UNK: variants seen among roughly 807,000 people sequenced by gnomAD.
The protein encoded by UNK is RING finger protein unkempt homolog.
A neutral mutation model predicts 97.6 loss-of-function variants in UNK; 32 were observed. The ratio of observed to expected loss-of-function variants is 0.33; its 90% CI spans 0.25 to 0.44. UNK has a LOEUF of 0.44. Among genes scored for constraint, UNK ranks in the 20% least tolerant of loss-of-function variants. The pLI, the probability that UNK is intolerant of heterozygous loss-of-function variation, is 1.00. For missense variants in UNK, 771 were observed against 1,098.4 expected, an observed-to-expected ratio of 0.70 and a Z score of 4.21; for synonymous variants, 441 against 461.2, an observed-to-expected ratio of 0.96 and a Z score of 0.56.
At chr17:75,797,489 C>T (rs1247077819) in intron 1 of UNK, among the ~76,000 whole-genome samples, 1 of 152,254 alleles carries the variant, frequency 6.6e-6, no homozygotes, top group Non-Finnish European at 1.5e-5. Context: ...CCCGCCTTGG[C>T]TGTCCGAAGT....
rs1217002310 is a variant in UNK, at chr17:75,818,405, C to G, written c.1371+237C>G. ...TCTGCACTCTGCCAGGCCCTGTACT[C>G]GCTTCTCTCTTCCCTGCTACAGGAC... is the stretch of plus-strand genomic sequence containing the variant. On this transcript the variant is annotated intron_variant, in intron 10 of 15. Coordinates refer to ENST00000589666, the MANE Select transcript of UNK (RefSeq NM_001080419.3). The surrounding 1 kb of genome is among the most constrained non-coding windows in gnomAD (Gnocchi z 5.1). 6.6e-6 allele frequency among the ~76,000 whole-genome samples: 1 copy of G among 152,168 alleles called. No individual in the cohort carries two copies. Among genetic ancestry groups the G allele is most frequent in the African/African-American group, 2.4e-5 (1 of 41,442 alleles).
At chr17:75,811,904 T>C (rs775387794) in intron 2 of UNK, among the ~76,000 whole-genome samples, 6 of 152,164 alleles carry the variant, frequency 3.9e-5, no homozygotes, top group Non-Finnish European at 8.8e-5. Flanking sequence ...GGAGAATCAC[T>C]TGAACCAGGG....
rs1411625120 is a variant in UNK at position 75,824,628 on chromosome 17, T to A, written c.*211T>A. 3 of 262,706 alleles carry A rather than the reference T, an allele frequency of 1.1e-5. No homozygotes were observed. The highest frequency in any genetic ancestry group is 2.0e-5 in the Non-Finnish European group (3 of 150,478). 16.3% of individuals were successfully genotyped at this position (262,706 alleles called of 1,614,324 possible). A position where few individuals can be genotyped will look rare whatever the true frequency, so the allele number is the denominator to read the frequency against. On this transcript the variant is annotated 3_prime_UTR_variant, in exon 16 of 16. Coordinates refer to ENST00000589666, the MANE Select transcript of UNK (RefSeq NM_001080419.3). This position sits in a 1 kb window ranked among gnomAD's most constrained non-coding sequence, Gnocchi z 4.9. ...GGTGTGGACAGTGTCTGTGTGTATA[T>A]CTGTACATAGATATAGACACACACT...
rs767866973 is a variant in UNK at position 75,818,282 on chromosome 17, C to G, written c.1371+114C>G. ...CTTTTCCCAAAAGCTGAGGGCAGGA[C>G]TAAAGTGGGGTCCCAGCCACAAATC... On this transcript the variant is annotated intron_variant, in intron 10 of 15. Coordinates refer to ENST00000589666, the MANE Select transcript of UNK (RefSeq NM_001080419.3). This position sits in a 1 kb window ranked among gnomAD's most constrained non-coding sequence, Gnocchi z 5.1. 285 of 1,220,986 alleles carry G rather than the reference C, an allele frequency of 2.3e-4. No individual in the cohort carries two copies. The highest frequency in any genetic ancestry group is 3.2e-4 in the Non-Finnish European group (276 of 863,226). The allele number at this position is 1,220,986 out of a possible 1,614,324, so 75.6% of individuals were successfully genotyped here. A position where few individuals can be genotyped will look rare whatever the true frequency, so the allele number is the denominator to read the frequency against.
At chr17:75,811,796 G>C (rs1388132843) in intron 2 of UNK, among the ~76,000 whole-genome samples, 1 of 152,154 alleles carries the variant, frequency 6.6e-6, no homozygotes, top group Non-Finnish European at 1.5e-5. Context: ...AGACCATCCT[G>C]GCCAACATGG....
rs2062032949 is a variant in UNK, at chr17:75,818,071, C to T, written c.1306-32C>T. The T allele has an allele frequency of 2.5e-6, 4 of 1,611,050 alleles. No individual in the cohort carries two copies. Among genetic ancestry groups the T allele is most frequent in the Non-Finnish European group, 3.4e-6 (4 of 1,178,208 alleles). ...TGGACTCAGGGACCCCCCAGCACCA[C>T]ATTCATCCACTCCCTGAATTTTCTC... is the stretch of plus-strand genomic sequence containing the variant. On this transcript the variant is annotated intron_variant, in intron 9 of 15. Coordinates refer to ENST00000589666, the MANE Select transcript of UNK (RefSeq NM_001080419.3). The surrounding 1 kb of genome is among the most constrained non-coding windows in gnomAD (Gnocchi z 5.1).
At chr17:75,791,391 G>T (rs1363074754) in intron 1 of UNK, among the ~76,000 whole-genome samples, 1 of 152,168 alleles carries the variant, frequency 6.6e-6, no homozygotes, top group Non-Finnish European at 1.5e-5. Flanking sequence ...GAAAATCCTG[G>T]ACATGAACAT....
chr17:75,793,254 T>TA (rs1346962941), intron 1 of UNK, among the ~76,000 whole-genome samples: 1 of 152,142 alleles, frequency 6.6e-6, no homozygotes, highest in Non-Finnish European at 1.5e-5. Flanking sequence ...TAAAATGTAA[T>TA]AGAGTCCATT....
rs746771801 is a variant in UNK, at chr17:75,819,000, G to C, written c.1546+184G>C. ...AAATGACCCCAAGGTGTAGGGCCAG[G>C]ACTGACCCTTAGAGCTCCTTTGTGC... On this transcript the variant is annotated intron_variant, in intron 11 of 15. Coordinates refer to ENST00000589666, the MANE Select transcript of UNK (RefSeq NM_001080419.3). The surrounding 1 kb of genome is among the most constrained non-coding windows in gnomAD (Gnocchi z 5.1). 6.0e-6 allele frequency: 4 copies of C among 664,912 alleles called. No homozygotes were observed. Among genetic ancestry groups the C allele is most frequent in the Admixed American group, 3.6e-5 (1 of 27,610 alleles). The allele number at this position is 664,912 out of a possible 1,614,324, so 41.2% of individuals were successfully genotyped here.
rs372673757 is a variant in UNK, at chr17:75,819,774, G to A, written c.1637G>A (p.Ser546Asn). Residue 546 changes from serine (S) to asparagine (N), a missense_variant, in exon 12 of 16, where the codon AGC becomes AAC. Ser to Asn is a conservative substitution (Grantham distance 46). Transcript: ENST00000589666. The surrounding 1 kb of genome is among the most constrained non-coding windows in gnomAD (Gnocchi z 5.4). ...FDNSTVPHPG[S>N]ITIGGSLLQS... ...AACAGCACAGTGCCCCACCCAGGAA[G>A]CATCACCATCGGTACTGGGTGTGGG... is the stretch of plus-strand genomic sequence containing the variant. 3.0e-5 allele frequency: 48 copies of A among 1,613,802 alleles called. No individual in the cohort carries two copies. The African/African-American group carries it at 5.7e-4, about 19-fold the overall frequency.
At position 75,818,042 on chromosome 17, in the gene UNK, C is replaced by A; in HGVS notation, c.1306-61C>A. 6.4e-7 allele frequency: 1 copy of A among 1,565,858 alleles called. No individual in the cohort carries two copies. The highest frequency in any genetic ancestry group is 1.1e-5 in the South Asian group (1 of 89,780). On this transcript the variant is annotated intron_variant, in intron 9 of 15. Coordinates refer to ENST00000589666, the MANE Select transcript of UNK (RefSeq NM_001080419.3). The surrounding 1 kb of genome is among the most constrained non-coding windows in gnomAD (Gnocchi z 5.1). ...CCCCTGGTACCTGCAGCCTCAGGGT[C>A]AGATGGACTCAGGGACCCCCCAGCA...
intron 3 of UNK, 55 bp downstream of exon 3, chr17:75,812,343 G>A: frequency 6.3e-7 from 1 of 1,582,866 alleles, no homozygotes. Flanking sequence ...CAGGGCAGGG[G>A]CCTGGCGGCT....
Position 75,818,460 on chromosome 17 carries a change from G to A in UNK, c.1372-182G>A, listed in dbSNP as rs546054726. Among the ~76,000 whole-genome samples, 4 of 152,092 alleles carry A rather than the reference G, an allele frequency of 2.6e-5. No homozygotes were observed. Among genetic ancestry groups the A allele is most frequent in the Non-Finnish European group, 5.9e-5 (4 of 67,988 alleles). On this transcript the variant is annotated intron_variant, in intron 10 of 15. Transcript: ENST00000589666. This position sits in a 1 kb window ranked among gnomAD's most constrained non-coding sequence, Gnocchi z 5.1. Reference sequence around the variant, plus strand: ...GGGGCGAATGGGCCTGGCAGCCTCCGCACCTCCAACTCCATGCTCTCAACA... The same window carrying A: ...GGGGCGAATGGGCCTGGCAGCCTCCACACCTCCAACTCCATGCTCTCAACA...
intron 1 of UNK, among the ~76,000 whole-genome samples, chr17:75,807,365 T>G (rs766636251): frequency 1.3e-5 from 2 of 152,190 alleles, no homozygotes; most frequent in Non-Finnish European, 1.5e-5. Flanking sequence ...GCCACTGCAC[T>G]CCAGCCTGGG....
chr17:75,785,009 C>CG, intron 1 of UNK, 25 bp downstream of exon 1: 1 of 1,314,092 alleles, frequency 7.6e-7, no homozygotes, highest in Non-Finnish European at 9.8e-7. Flanking sequence ...CCCCCCCCCG[C>CG]CGCGCGCGCA....
intron 1 of UNK, among the ~76,000 whole-genome samples, chr17:75,806,521 C>A (rs145386818): frequency 0.013 from 1,996 of 151,362 alleles, 43 homozygotes; most frequent in African/African-American, 0.045. Context: ...CGCCTGTAAT[C>A]CCAGCACTTT....
rs1233884243 is a variant in UNK at position 75,824,659 on chromosome 17, A to T, written c.*242A>T. The T allele has an allele frequency of 1.4e-5, 3 of 212,510 alleles. No individual in the cohort carries two copies. The highest frequency in any genetic ancestry group is 6.9e-5 in the African/African-American group (3 of 43,316). 13.2% of individuals were successfully genotyped at this position (212,510 alleles called of 1,614,324 possible). A position where few individuals can be genotyped will look rare whatever the true frequency, so the allele number is the denominator to read the frequency against. ...CATAGATATAGACACACACTTTAAA[A>T]GACTTACCAAGCACTTTTTAAAAGA... On this transcript the variant is annotated 3_prime_UTR_variant, in exon 16 of 16. Transcript: ENST00000589666. The surrounding 1 kb of genome is among the most constrained non-coding windows in gnomAD (Gnocchi z 4.9).
At chr17:75,793,856 AT>A (rs2061783021) in intron 1 of UNK, 1 of 985,340 alleles carries the variant, frequency 1.0e-6, no homozygotes, top group Non-Finnish European at 1.2e-6. Context: ...AGAAGTAGTT[AT>A]GTTCTGTAAA....
In UNK at chr17:75,818,913, C is replaced by G. The variant is rs1274122592; in HGVS notation, c.1546+97C>G. 1 of 1,351,220 alleles carries G rather than the reference C, an allele frequency of 7.4e-7. No individual in the cohort carries two copies. The highest frequency in any genetic ancestry group is 9.8e-7 in the Non-Finnish European group (1 of 1,022,324). The allele number at this position is 1,351,220 out of a possible 1,614,324, so 83.7% of individuals were successfully genotyped here. A position where few individuals can be genotyped will look rare whatever the true frequency, so the allele number is the denominator to read the frequency against. On this transcript the variant is annotated intron_variant, in intron 11 of 15. Coordinates refer to ENST00000589666, the MANE Select transcript of UNK (RefSeq NM_001080419.3). The surrounding 1 kb of genome is among the most constrained non-coding windows in gnomAD (Gnocchi z 5.1). ...AGTCTCAAATCAGCACACCAGACCC[C>G]TTAGACATCTGTCTTCGGAAAATCA...
Sources: allele counts gnomAD v4.1 joint callset (sites outside exome capture counted in the v4.1 genomes callset), GRCh38; gene constraint gnomAD v4.1.1; non-coding constraint Gnocchi (gnomAD v3.1); transcripts MANE v1.5; gene names NCBI Gene and HGNC (gene_info 2026-07-23, HGNC 2026-07-21).